The following TNFRSF8 variants were observed in gnomAD, a reference collection of about 807,000 sequenced individuals.
TNFRSF8 encodes the protein TNF receptor superfamily member 8.
TNFRSF8 carries 26 observed loss-of-function variants against 70.8 expected under a neutral mutation model. The ratio of observed to expected loss-of-function variants is 0.37; its 90% confidence interval spans 0.27 to 0.51. TNFRSF8 has a LOEUF of 0.51. Ranked by LOEUF, TNFRSF8 falls within the 20% of genes least tolerant of loss-of-function variation. TNFRSF8 has a pLI of 0.94. For synonymous variants in TNFRSF8, 356 were observed against 339.2 expected, an observed-to-expected ratio of 1.05 and a Z score of -0.54; for missense variants, 720 against 807.9, an observed-to-expected ratio of 0.89 and a Z score of 1.32.
In TNFRSF8 at chr1:12,109,695, T is replaced by C. The variant is rs775014009; in HGVS notation, c.512+39T>C. 6.4e-7 allele frequency: 1 copy of C among 1,572,658 alleles called. No individual in the cohort carries two copies. The highest frequency in any genetic ancestry group is 1.7e-5 in the Admixed American group (1 of 59,500). ...TTTGCCTCCTCCTCTTCCCCCAAGC[T>C]GGCTTTCAGATGAGGCTGCCCCACC... On this transcript the variant is annotated intron_variant, in intron 5 of 14. Coordinates refer to ENST00000263932, the MANE Select transcript of TNFRSF8 (RefSeq NM_001243.5). This position sits in a 1 kb window ranked among gnomAD's most constrained non-coding sequence, Gnocchi z 4.4.
chr1:12,108,759 GC>G lies in TNFRSF8; in HGVS notation c.422-806del. On this transcript the variant is annotated intron_variant, in intron 4 of 14. Coordinates refer to ENST00000263932, the MANE Select transcript of TNFRSF8 (RefSeq NM_001243.5). The surrounding 1 kb of genome is among the most constrained non-coding windows in gnomAD (Gnocchi z 4.0). Reference sequence around the variant, plus strand: ...ACCTGGGAGGCAGAGGTTGCAGTGAGCTGAGATTGCATCACTGCACTCCAGC... The same window carrying G: ...ACCTGGGAGGCAGAGGTTGCAGTGAGTGAGATTGCATCACTGCACTCCAGC... Among the ~76,000 whole-genome samples, 1 of 152,304 alleles carries G rather than the reference GC, an allele frequency of 6.6e-6. No homozygotes were observed. Among genetic ancestry groups the G allele is most frequent in the Middle Eastern group, 3.4e-3 (1 of 292 alleles).
Position 12,119,022 on chromosome 1 carries a change from G to A in TNFRSF8, c.946+3293G>A, listed in dbSNP as rs1008918884. 9.9e-5 allele frequency among the ~76,000 whole-genome samples: 15 copies of A among 152,150 alleles called. 1 individual carries two copies. The highest frequency in any genetic ancestry group is 4.6e-4 in the Admixed American group (7 of 15,284). The stretch of plus-strand genomic sequence containing the variant: ...TGGGATTACAGGCACGCGCCACCAC[G>A]CCTGGCTAATTTTTGTATTTTTAGT... On this transcript the variant is annotated intron_variant, in intron 8 of 14. Transcript: ENST00000263932. This position sits in a 1 kb window ranked among gnomAD's most constrained non-coding sequence, Gnocchi z 4.4.
At chr1:12,064,532 A>G (rs947589227) in intron 1 of TNFRSF8, among the ~76,000 whole-genome samples, 8 of 151,908 alleles carry the variant, frequency 5.3e-5, no homozygotes, top group African/African-American at 1.9e-4. Context: ...ACAGAGGGAA[A>G]GGAAGGAGCA....
In TNFRSF8 at chr1:12,063,422, G is replaced by C. The variant is rs975719536; in HGVS notation, c.-177G>C. The stretch of plus-strand genomic sequence containing the variant: ...AAACCTCGGAGGAACAACCACTTTT[G>C]AAGTGACTTCGCGGCGTGCGTTGGG... On this transcript the variant is annotated 5_prime_UTR_variant, in exon 1 of 15. Transcript: ENST00000263932. This position sits in a 1 kb window ranked among gnomAD's most constrained non-coding sequence, Gnocchi z 7.2. 3.0e-5 allele frequency: 13 copies of C among 440,644 alleles called. No individual in the cohort carries two copies. The highest frequency in any genetic ancestry group is 3.8e-5 in the Non-Finnish European group (10 of 264,576). The allele number at this position is 440,644 out of a possible 1,614,324, so 27.3% of individuals were successfully genotyped here.
Position 12,108,074 on chromosome 1 carries a change from A to ACT in TNFRSF8, c.422-1492_422-1491insCT, listed in dbSNP as rs1553156303. Among the ~76,000 whole-genome samples, 2 of 146,128 alleles carry ACT rather than the reference A, an allele frequency of 1.4e-5. No individual in the cohort carries two copies. Among genetic ancestry groups the ACT allele is most frequent in the African/African-American group, 5.0e-5 (2 of 39,678 alleles). On this transcript the variant is annotated intron_variant, in intron 4 of 14. Coordinates refer to ENST00000263932, the MANE Select transcript of TNFRSF8 (RefSeq NM_001243.5). This position sits in a 1 kb window ranked among gnomAD's most constrained non-coding sequence, Gnocchi z 4.0. ...CGAAGTCCCACACATACAGGCCACC[A>ACT]TTTTTTTATTTTTTTTTTTTTTGTG...
chr1:12,138,575 C>T lies in TNFRSF8; in HGVS notation c.1543+139C>T. The T allele has an allele frequency of 1.1e-6, 1 of 889,280 alleles. No homozygotes were observed. 55.1% of individuals were successfully genotyped at this position (889,280 alleles called of 1,614,324 possible). On this transcript the variant is annotated intron_variant, in intron 14 of 14. Transcript: ENST00000263932. The surrounding 1 kb of genome is among the most constrained non-coding windows in gnomAD (Gnocchi z 5.7). ...AAGGAGAGGCATAGATTCTTCACCCCAATTGAAGTTTCTGTAAGTAGGGAC... is the reference window on the plus strand; with the variant it reads ...AAGGAGAGGCATAGATTCTTCACCCTAATTGAAGTTTCTGTAAGTAGGGAC...
At chr1:12,128,830 A>ATTG (rs1553158562) in intron 12 of TNFRSF8, among the ~76,000 whole-genome samples, 1 of 72,328 alleles carries the variant, frequency 1.4e-5, no homozygotes, top group African/African-American at 6.1e-5. Flanking sequence ...CTGGTCTAAA[A>ATTG]TTCTTTTTTT....
chr1:12,137,174 G>A (rs532015473), intron 13 of TNFRSF8, among the ~76,000 whole-genome samples: 1 of 152,212 alleles, frequency 6.6e-6, no homozygotes, highest in Admixed American at 6.5e-5. Context: ...GCAGTGATCT[G>A]GAAGCTGAGG....
intron 1 of TNFRSF8, among the ~76,000 whole-genome samples, chr1:12,072,434 G>C (rs901421064): frequency 2.0e-5 from 3 of 152,104 alleles, no homozygotes; most frequent in Non-Finnish European, 2.9e-5. Context: ...ACTTCTGCCT[G>C]GGTCAGTAGG....
rs1470873804 is a variant in TNFRSF8, at chr1:12,141,295, C to G, written c.1544-992C>G. On this transcript the variant is annotated intron_variant, in intron 14 of 14. Coordinates refer to ENST00000263932, the MANE Select transcript of TNFRSF8 (RefSeq NM_001243.5). This position sits in a 1 kb window ranked among gnomAD's most constrained non-coding sequence, Gnocchi z 5.4. ...GCCTCCAGAGTCCAGCGCAGAACAG[C>G]TGGGAGCCAGCCCACCCTGAGCCAG... Among the ~76,000 whole-genome samples, 1 of 152,112 alleles carries G rather than the reference C, an allele frequency of 6.6e-6. No individual in the cohort carries two copies. Among genetic ancestry groups the G allele is most frequent in the Non-Finnish European group, 1.5e-5 (1 of 68,022 alleles).
rs1641933222 is a variant in TNFRSF8, at chr1:12,126,064, T to C, written c.1255+12T>C. 2 of 1,613,762 alleles carry C rather than the reference T, an allele frequency of 1.2e-6. No individual in the cohort carries two copies. Among genetic ancestry groups the C allele is most frequent in the South Asian group, 1.1e-5 (1 of 91,072 alleles). Reference sequence around the variant, plus strand: ...GCGAATTCGGCAGAGTAAGTGGCTGTGTCCTTGGGGCCTTGGGGAGGACAG... The same window carrying C: ...GCGAATTCGGCAGAGTAAGTGGCTGCGTCCTTGGGGCCTTGGGGAGGACAG... On this transcript the variant is annotated intron_variant, in intron 11 of 14. Coordinates refer to ENST00000263932, the MANE Select transcript of TNFRSF8 (RefSeq NM_001243.5).
chr1:12,080,329 C>G (rs186641562), intron 1 of TNFRSF8: 3 of 523,972 alleles, frequency 5.7e-6, no homozygotes, highest in Non-Finnish European at 1.1e-5. Flanking sequence ...TCTCTCCATC[C>G]GGCCGAATCA....
intron 1 of TNFRSF8, among the ~76,000 whole-genome samples, chr1:12,064,232 T>C (rs1640698731): frequency 6.6e-6 from 1 of 152,014 alleles, no homozygotes; most frequent in Non-Finnish European, 1.5e-5. Context: ...ACGCTGTGGA[T>C]TGAATTCGCT....
intron 2 of TNFRSF8, among the ~76,000 whole-genome samples, chr1:12,089,343 C>T (rs1274742416): frequency 6.6e-6 from 1 of 152,192 alleles, no homozygotes; most frequent in Non-Finnish European, 1.5e-5. Flanking sequence ...ATATGGCTAA[C>T]TTGCCCCGCA....
chr1:12,074,692 A>G (rs1251142572), intron 1 of TNFRSF8, among the ~76,000 whole-genome samples: 1 of 152,212 alleles, frequency 6.6e-6, no homozygotes, highest in East Asian at 1.9e-4. Flanking sequence ...TCCTTGGAGA[A>G]TCAAAGAGTA....
intron 1 of TNFRSF8, among the ~76,000 whole-genome samples, chr1:12,064,519 G>C (rs1169477001): frequency 6.6e-6 from 1 of 152,100 alleles, no homozygotes; most frequent in Admixed American, 6.5e-5. Flanking sequence ...CCTGCTGAAT[G>C]ATACAGAGGG....
At chr1:12,080,039 C>T (rs1156466780) in intron 1 of TNFRSF8, among the ~76,000 whole-genome samples, 1 of 151,430 alleles carries the variant, frequency 6.6e-6, no homozygotes, top group Non-Finnish European at 1.5e-5. Flanking sequence ...ACCTCCGCCT[C>T]CTGGGTTCAA....
rs767032588 is a variant in TNFRSF8 at position 12,115,634 on chromosome 1, G to A, written c.851G>A (p.Arg284Gln). The A allele has an allele frequency of 1.7e-5, 28 of 1,614,122 alleles. No homozygotes were observed. The highest frequency in any genetic ancestry group is 4.4e-5 in the South Asian group (4 of 91,084). The change falls in exon 8 of 15, where the codon CGA becomes CAA. Residue 284 changes from arginine (R) to glutamine (Q), a missense_variant. Coordinates refer to ENST00000263932, the MANE Select transcript of TNFRSF8 (RefSeq NM_001243.5). ...AWNSSRTCEC[R>Q]PGMICATSAT... ...AACTCCTCCCGCACCTGCGAATGTC[G>A]ACCTGGCATGATCTGTGCCACATCA...
intron 8 of TNFRSF8, among the ~76,000 whole-genome samples, chr1:12,118,106 TC>T (rs141071764): frequency 6.9e-5 from 9 of 131,006 alleles, no homozygotes; most frequent in Admixed American, 1.6e-4. Flanking sequence ...AGCATAACCC[TC>T]CCCCCCCACC....
Sources: allele counts gnomAD v4.1 joint callset (sites outside exome capture counted in the v4.1 genomes callset), GRCh38; gene constraint gnomAD v4.1.1; non-coding constraint Gnocchi (gnomAD v3.1); transcripts MANE v1.5; gene names NCBI Gene and HGNC (gene_info 2026-07-23, HGNC 2026-07-21).